CFAP20DC: variants seen among roughly 807,000 people sequenced by gnomAD.
The protein encoded by CFAP20DC is protein CFAP20DC.
CFAP20DC carries 84 observed loss-of-function variants against 101.7 expected under a neutral mutation model. The ratio of observed to expected loss-of-function variants is 0.83; its 90% CI spans 0.69 to 0.99. The LOEUF (loss-of-function observed/expected upper bound fraction) is 0.99, where lower values mean the gene tolerates loss of function less well. CFAP20DC is among the 50% of genes least tolerant of loss of function. The probability of loss-of-function intolerance (pLI) is 0.00; values close to 1 mark genes in which losing one functional copy is unlikely to be tolerated. For missense variants in CFAP20DC, 1,007 were observed against 970.3 expected (o/e 1.04, Z -0.50); for synonymous variants, 359 against 351.2 (o/e 1.02, Z -0.25).
At chr3:58,738,872 T>A (rs2067817556), downstream of CFAP20DC, among the ~76,000 whole-genome samples, 1 of 152,180 alleles carries the variant, frequency 6.6e-6, no homozygotes, top group African/African-American at 2.4e-5. This position sits in a 1 kb window ranked among gnomAD's most constrained non-coding sequence, Gnocchi z 4.4. Context: ...CCACAGTTTT[T>A]AAAAAAGAAC....
In CFAP20DC at chr3:58,897,877, AG is replaced by A. The variant is rs150143493; in HGVS notation, c.551-13169del. Among the ~76,000 whole-genome samples the A allele has an allele frequency of 1.3e-3, 202 of 152,066 alleles. No individual in the cohort carries two copies. The highest frequency in any genetic ancestry group is 4.7e-3 in the African/African-American group (194 of 41,458). On this transcript the variant is annotated intron_variant, in intron 6 of 16. Coordinates refer to ENST00000482387, the MANE Select transcript of CFAP20DC (RefSeq NM_001394063.1). This position sits in a 1 kb window ranked among gnomAD's most constrained non-coding sequence, Gnocchi z 4.4. ...TGCCTTGGCATTGATCGTCTCATGG[AG>A]TATCTTATTGGGGTTGTCTGCATTT...
chr3:58,720,354 T>C (rs918663297), intron 3 of CFAP20DC, among the ~76,000 whole-genome samples: 10 of 152,216 alleles, frequency 6.6e-5, no homozygotes, highest in Non-Finnish European at 1.0e-4. Flanking sequence ...AAACATACCA[T>C]AGAGAGTTGT....
Position 58,913,756 on chromosome 3 carries a change from TC to T in CFAP20DC, c.501del (p.Lys168ArgfsTer5). 6.2e-7 allele frequency: 1 copy of T among 1,613,726 alleles called. No individual in the cohort carries two copies. The highest frequency in any genetic ancestry group is 1.1e-5 in the South Asian group (1 of 91,066). On this transcript the variant is annotated frameshift_variant, in exon 6 of 17. Coordinates refer to ENST00000482387, the MANE Select transcript of CFAP20DC (RefSeq NM_001394063.1). LOFTEE classifies it high-confidence loss of function. The surrounding 1 kb of genome is among the most constrained non-coding windows in gnomAD (Gnocchi z 4.4). ...GIVVSANCKL[R>X]KIFTLKSKPQ... ...GGCTTTGATTTTAAGGTGAAGATCT[TC>T]CGTAGCTTACAGTTAGCTGAGACAA... is the stretch of plus-strand genomic sequence containing the variant.
chr3:58,765,490 C>CAAAAAAAAAAAAAAAAAAAAAACAA (rs1337049385), intron 15 of CFAP20DC, among the ~76,000 whole-genome samples: 30 of 81,770 alleles, frequency 3.7e-4, no homozygotes, highest in African/African-American at 4.8e-4. Flanking sequence ...AAAAAAAAAC[C>CAAAAAAAAAAAAAAAAAAAAAACAA]AAAAAAAAAA....
intron 14 of CFAP20DC, among the ~76,000 whole-genome samples, 184 bp from the exon 15 acceptor site, chr3:58,806,640 T>C (rs1321255436): frequency 6.6e-6 from 1 of 152,228 alleles, no homozygotes; most frequent in Admixed American, 6.5e-5. Context: ...GCGTGAGCGA[T>C]GCAGAAGACG....
At chr3:58,766,893 T>A (rs1300807158) in intron 15 of CFAP20DC, among the ~76,000 whole-genome samples, 1 of 152,202 alleles carries the variant, frequency 6.6e-6, no homozygotes, top group East Asian at 1.9e-4. Context: ...GGCTAAAGCA[T>A]CACACTCTTG....
chr3:58,909,901 C>T (rs2107324246), intron 6 of CFAP20DC, among the ~76,000 whole-genome samples: 1 of 152,218 alleles, frequency 6.6e-6, no homozygotes, highest in East Asian at 1.9e-4. Flanking sequence ...TACTCCCCAA[C>T]AGGCCCCAGT....
intron 13 of CFAP20DC, among the ~76,000 whole-genome samples, chr3:58,846,831 A>C (rs2077694816): frequency 6.7e-6 from 1 of 148,302 alleles, no homozygotes; most frequent in Admixed American, 6.7e-5. Context: ...AGATCAATGG[A>C]ACAGAACAGA....
intron 15 of CFAP20DC, among the ~76,000 whole-genome samples, chr3:58,803,399 C>T (rs2073845634): frequency 1.3e-5 from 2 of 152,148 alleles, no homozygotes; most frequent in Non-Finnish European, 2.9e-5. Flanking sequence ...ATTACCTTCT[C>T]ATTTCTTATA....
At chr3:58,909,345 T>C (rs1479710306) in intron 6 of CFAP20DC, among the ~76,000 whole-genome samples, 1 of 152,180 alleles carries the variant, frequency 6.6e-6, no homozygotes, top group Non-Finnish European at 1.5e-5. Context: ...AAAAAAAAGT[T>C]GTGCATATCT....
intron 15 of CFAP20DC, among the ~76,000 whole-genome samples, chr3:58,798,181 T>G (rs1056181211): frequency 2.0e-5 from 3 of 152,174 alleles, no homozygotes; most frequent in African/African-American, 7.2e-5. Context: ...AGATAGTGAT[T>G]CCTCTGATAA....
At chr3:58,994,165 A>C (rs923688808) in intron 4 of CFAP20DC, among the ~76,000 whole-genome samples, 1 of 152,232 alleles carries the variant, frequency 6.6e-6, no homozygotes, top group Non-Finnish European at 1.5e-5. Context: ...AGAACTACAG[A>C]GAAAAGAAAC....
chr3:58,854,009 A>G (rs998549618), intron 12 of CFAP20DC, among the ~76,000 whole-genome samples: 14 of 152,108 alleles, frequency 9.2e-5, no homozygotes, highest in Admixed American at 3.3e-4. Flanking sequence ...AGAAGGAAAT[A>G]AAGGGTATTC....
intron 4 of CFAP20DC, among the ~76,000 whole-genome samples, chr3:58,984,721 G>C (rs947681236): frequency 1.3e-5 from 2 of 152,156 alleles, no homozygotes; most frequent in African/African-American, 4.8e-5. Flanking sequence ...AGAGTGAAAA[G>C]AAAACCAGCA....
At chr3:58,942,631 G>A (rs937653443) in intron 4 of CFAP20DC, among the ~76,000 whole-genome samples, 1 of 152,130 alleles carries the variant, frequency 6.6e-6, no homozygotes, top group African/African-American at 2.4e-5. Flanking sequence ...TGGGTTTCAG[G>A]CAAAAAACAG....
chr3:58,938,381 T>C (rs1023657097), intron 4 of CFAP20DC, among the ~76,000 whole-genome samples: 1 of 152,174 alleles, frequency 6.6e-6, no homozygotes, highest in Non-Finnish European at 1.5e-5. Context: ...ATCACAAAGA[T>C]TAGGTTTGCT....
intron 4 of CFAP20DC, among the ~76,000 whole-genome samples, chr3:59,013,174 T>A (rs1383337525): frequency 6.6e-6 from 1 of 152,202 alleles, no homozygotes; most frequent in Non-Finnish European, 1.5e-5. Flanking sequence ...CTAGGTTACA[T>A]GACCACGGCT....
intron 4 of CFAP20DC, among the ~76,000 whole-genome samples, chr3:58,965,472 C>G (rs2091458049): frequency 6.6e-6 from 1 of 151,966 alleles, no homozygotes. Context: ...GTTCAAAGTT[C>G]AGGCTAAAGT....
rs1359070386 is a variant in CFAP20DC at position 58,833,696 on chromosome 3, T to C, written c.1972-1807A>G. On this transcript the variant is annotated intron_variant, in intron 13 of 16. Transcript: ENST00000482387. ...AAAATGTTAAACATCTGAGTTACCA[T>C]GTGACCCAGCAATTCACTCCTAAGC... 1.2e-4 allele frequency among the ~76,000 whole-genome samples: 18 copies of C among 152,298 alleles called. No homozygotes were observed. The East Asian group carries it at 3.3e-3, about 28-fold the overall frequency.
Sources: gnomAD v4.1 joint callset for allele counts (sites outside exome capture counted in the v4.1 genomes callset) on GRCh38, gnomAD v4.1.1 for gene constraint, Gnocchi (gnomAD v3.1) non-coding constraint, MANE v1.5 for transcripts, NCBI Gene and HGNC (gene_info 2026-07-23, HGNC 2026-07-21) for gene names.